Variants in USH2A observed in about 807,000 individuals in gnomAD.
The protein encoded by USH2A is usherin.
Under a neutral mutation model 538.9 loss-of-function variants are expected in USH2A, and 443 were observed. That is an observed-to-expected ratio of 0.82 (90% CI 0.76 to 0.89). The LOEUF (loss-of-function observed/expected upper bound fraction) is 0.89, where lower values mean the gene tolerates loss of function less well. Among genes scored for constraint, USH2A ranks in the 40% least tolerant of loss-of-function variants. The probability of loss-of-function intolerance (pLI) is 0.00; values close to 1 mark genes in which losing one functional copy is unlikely to be tolerated. For missense variants in USH2A, 6,633 were observed against 6,324.8 expected (o/e 1.05, Z -1.65); for synonymous variants, 2,413 against 2,273.5 (o/e 1.06, Z -1.75).
Position 216,364,268 on chromosome 1 carries a change from G to A in USH2A, c.784+685C>T, listed in dbSNP as rs1296919705. Among the ~76,000 whole-genome samples, 7 of 151,836 alleles carry A rather than the reference G, an allele frequency of 4.6e-5. No individual in the cohort carries two copies. In the South Asian group the frequency reaches 1.0e-3, roughly 23 times the overall value. ...TTTCTCAGGTTCCATCTAATACTTC[G>A]TAGTTCTACTTTAACAATTCTCTAC... is the stretch of plus-strand genomic sequence containing the variant. On this transcript the variant is annotated intron_variant, in intron 4 of 71. Coordinates refer to ENST00000307340, the MANE Select transcript of USH2A (RefSeq NM_206933.4).
At chr1:216,231,265 T>TA (rs1323804904) in intron 14 of USH2A, among the ~76,000 whole-genome samples, 2 of 109,270 alleles carry the variant, frequency 1.8e-5, no homozygotes, top group African/African-American at 6.3e-5. Flanking sequence ...ATATAATATA[T>TA]ATATATAATA....
intron 34 of USH2A, among the ~76,000 whole-genome samples, chr1:215,994,834 T>C (rs1469038128): frequency 6.6e-6 from 1 of 152,032 alleles, no homozygotes; most frequent in Admixed American, 6.6e-5. Flanking sequence ...CCCAGACATT[T>C]CAAATGTGCT....
chr1:215,725,670 A>T (rs1483531049), intron 61 of USH2A, among the ~76,000 whole-genome samples: 7 of 152,256 alleles, frequency 4.6e-5, no homozygotes, highest in African/African-American at 1.7e-4. Flanking sequence ...TATTGTTTTT[A>T]AAATTATTCT....
chr1:216,293,191 A>C (rs932051963), intron 9 of USH2A, among the ~76,000 whole-genome samples: 6 of 151,772 alleles, frequency 4.0e-5, no homozygotes, highest in African/African-American at 1.2e-4. Context: ...CGCTTGGCTA[A>C]TTTTTTGTAT....
Position 216,289,260 on chromosome 1 carries a change from A to G in USH2A, c.1971+20T>C, listed in dbSNP as rs2036950143. 1 of 1,613,514 alleles carries G rather than the reference A, an allele frequency of 6.2e-7. No homozygotes were observed. The highest frequency in any genetic ancestry group is 8.5e-7 in the Non-Finnish European group (1 of 1,179,640). ...GGCAGACAGAGTAATCCTTTACCTT[A>G]AATACTCAGAAAAACTCACCTGATC... is the stretch of plus-strand genomic sequence containing the variant. On this transcript the variant is annotated intron_variant, in intron 11 of 71. Coordinates refer to ENST00000307340, the MANE Select transcript of USH2A (RefSeq NM_206933.4).
At chr1:215,849,808 C>T (rs1663969770) in intron 44 of USH2A, among the ~76,000 whole-genome samples, 1 of 152,102 alleles carries the variant, frequency 6.6e-6, no homozygotes, top group Non-Finnish European at 1.5e-5. Flanking sequence ...ACAATTTCAA[C>T]AAGTTTTGAG....
chr1:215,685,640 G>A lies in USH2A; in HGVS notation c.12067-5264C>T, dbSNP rs547719094. On this transcript the variant is annotated intron_variant, in intron 61 of 71. Transcript: ENST00000307340. ...CCCAAAGTGCTGGGATTACAGGCAT[G>A]AGCCACAGAGCCTGGCCATCAAATC... 5.3e-5 allele frequency among the ~76,000 whole-genome samples: 8 copies of A among 152,220 alleles called. No individual in the cohort carries two copies. The East Asian group carries it at 1.2e-3, about 22-fold the overall frequency.
chr1:215,703,460 T>TC (rs1291207800), intron 61 of USH2A, among the ~76,000 whole-genome samples: 2 of 152,168 alleles, frequency 1.3e-5, no homozygotes, highest in African/African-American at 2.4e-5. Flanking sequence ...TGGGAGTTTT[T>TC]CTCTAAGTTC....
At chr1:215,747,823 G>A (rs1243558844) in intron 58 of USH2A, among the ~76,000 whole-genome samples, 1 of 151,740 alleles carries the variant, frequency 6.6e-6, no homozygotes, top group African/African-American at 2.4e-5. Flanking sequence ...CAGTAAAGCA[G>A]TGAGGAATAA....
chr1:216,159,481 G>C (rs141953130), intron 21 of USH2A, among the ~76,000 whole-genome samples: 56 of 150,404 alleles, frequency 3.7e-4, no homozygotes, highest in Non-Finnish European at 5.5e-4. Flanking sequence ...ATTTTGAAAA[G>C]ATTACACACT....
At chr1:215,952,143 C>A (rs566130511) in intron 37 of USH2A, among the ~76,000 whole-genome samples, 3 of 152,280 alleles carry the variant, frequency 2.0e-5, no homozygotes, top group Admixed American at 6.5e-5. Context: ...GGATTACAGG[C>A]GTGAGCCACC....
At chr1:216,408,080 C>T (rs1259958327) in intron 3 of USH2A, among the ~76,000 whole-genome samples, 1 of 152,058 alleles carries the variant, frequency 6.6e-6, no homozygotes. Flanking sequence ...GAGAAACCAC[C>T]ATTTTCTAGC....
chr1:216,079,230 T>C (rs977875476), intron 26 of USH2A: 1 of 152,146 alleles, frequency 6.6e-6, no homozygotes, highest in African/African-American at 2.4e-5. Flanking sequence ...GTCTAACCAC[T>C]TATTCAATAA....
At chr1:215,669,725 T>A (rs542677210) in intron 64 of USH2A, among the ~76,000 whole-genome samples, 1 of 152,342 alleles carries the variant, frequency 6.6e-6, no homozygotes, top group South Asian at 2.1e-4. Context: ...TGGATTTATA[T>A]CTGTGTATTT....
intron 37 of USH2A, among the ~76,000 whole-genome samples, chr1:215,954,885 G>A (rs1667024968): frequency 6.6e-6 from 1 of 151,962 alleles, no homozygotes. Flanking sequence ...TAGCTACAAT[G>A]TCCTTCTTTC....
At chr1:216,003,706 G>T (rs1668326429) in intron 32 of USH2A, among the ~76,000 whole-genome samples, 1 of 152,114 alleles carries the variant, frequency 6.6e-6, no homozygotes, top group Non-Finnish European at 1.5e-5. Flanking sequence ...TGAGGGGTCA[G>T]TTCATGCAGG....
At chr1:215,640,271 G>C (rs140908672) in intron 68 of USH2A, among the ~76,000 whole-genome samples, 1 of 152,252 alleles carries the variant, frequency 6.6e-6, no homozygotes, top group Non-Finnish European at 1.5e-5. Context: ...TATTTCTTTT[G>C]TGAACCCAAC....
intron 43 of USH2A, among the ~76,000 whole-genome samples, chr1:215,870,921 CTT>C (rs1252566348): frequency 6.6e-6 from 1 of 152,074 alleles, no homozygotes; most frequent in East Asian, 1.9e-4. Flanking sequence ...TATGACAAAA[CTT>C]ATGTGTATCA....
At chr1:215,880,835 G>A (rs991434131) in intron 41 of USH2A, among the ~76,000 whole-genome samples, 2 of 152,208 alleles carry the variant, frequency 1.3e-5, no homozygotes, top group African/African-American at 4.8e-5. Context: ...CCTTGCCCAT[G>A]CCTATGTCCT....
Sources: gnomAD v4.1 joint callset for allele counts (sites outside exome capture counted in the v4.1 genomes callset) on GRCh38, gnomAD v4.1.1 for gene constraint, MANE v1.5 for transcripts, NCBI Gene and HGNC (gene_info 2026-07-23, HGNC 2026-07-21) for gene names.